Variants in ATP10B observed in about 807,000 individuals in gnomAD.
The protein encoded by ATP10B is phospholipid-transporting ATPase VB.
A neutral mutation model predicts 141.2 loss-of-function variants in ATP10B; 122 were observed. The observed-to-expected ratio is 0.86, with a 90% CI of 0.75 to 1.00. ATP10B has a LOEUF of 1.00. Ranked by LOEUF, ATP10B falls within the 50% of genes least tolerant of loss-of-function variation. ATP10B has a pLI of 0.00. For missense variants in ATP10B, 1,876 were observed against 1,825.3 expected, an observed-to-expected ratio of 1.03 and a Z score of -0.51; for synonymous variants, 685 against 692.0, an observed-to-expected ratio of 0.99 and a Z score of 0.16.
chr5:160,843,507 C>CAAA lies in ATP10B; in HGVS notation c.-576+8431_-576+8433dup, dbSNP rs34514367. On this transcript the variant is annotated intron_variant, in intron 1 of 25. Transcript: ENST00000327245. The stretch of plus-strand genomic sequence containing the variant: ...TAAGTTACTACCAACAGAGCATTGA[C>CAAA]AAAAAAAAAAAGCTGTTAATGAGTG... 6.4e-3 allele frequency among the ~76,000 whole-genome samples: 882 copies of CAAA among 138,620 alleles called. 12 individuals carry two copies. The highest frequency in any genetic ancestry group is 0.022 in the African/African-American group (839 of 38,006). The allele number at this position is 138,620 out of a possible 152,430, so 90.9% of individuals were successfully genotyped here. A position where few individuals can be genotyped will look rare whatever the true frequency, so the allele number is the denominator to read the frequency against.
At chr5:160,722,420 G>A (rs1581415259) in intron 2 of ATP10B, among the ~76,000 whole-genome samples, 2 of 152,038 alleles carry the variant, frequency 1.3e-5, no homozygotes, top group Admixed American at 1.3e-4. Context: ...CTTCCCACTG[G>A]GTTGTTTTAG....
intron 1 of ATP10B, among the ~76,000 whole-genome samples, chr5:160,801,531 T>G (rs1162766722): frequency 6.6e-6 from 1 of 152,242 alleles, no homozygotes; most frequent in Non-Finnish European, 1.5e-5. Context: ...CATGAGGGAA[T>G]GGATTGAATA....
intron 23 of ATP10B, 106 bp from the exon 24 acceptor site, chr5:160,589,802 GGA>G: frequency 1.3e-6 from 1 of 798,634 alleles, no homozygotes; most frequent in Non-Finnish European, 2.1e-6. Flanking sequence ...CAATGGAGAA[GGA>G]GGTACCCAGC....
chr5:160,843,113 T>G (rs1045624092), intron 1 of ATP10B, among the ~76,000 whole-genome samples: 1 of 152,096 alleles, frequency 6.6e-6, no homozygotes, highest in East Asian at 1.9e-4. Context: ...TAATACATAA[T>G]GACCAGGTGG....
the ATP10B span, among the ~76,000 whole-genome samples, chr5:160,888,152 G>C: frequency 6.6e-6 from 1 of 152,234 alleles, no homozygotes; most frequent in African/African-American, 2.4e-5. Context: ...ACTGGCCTCT[G>C]TACAAGAAGG....
In ATP10B at chr5:160,827,810, C is replaced by A. The variant is rs565777631; in HGVS notation, c.-576+24131G>T. Among the ~76,000 whole-genome samples the A allele has an allele frequency of 3.9e-5, 6 of 152,258 alleles. No individual in the cohort carries two copies. The East Asian group carries it at 9.7e-4, about 24-fold the overall frequency. ...ATATGGCTAGCCAGTTATCCCAGCA[C>A]AATTTATTGAAAAGCAATTCATTTA... On this transcript the variant is annotated intron_variant, in intron 1 of 25. Transcript: ENST00000327245.
chr5:160,859,591 C>T, the ATP10B span, among the ~76,000 whole-genome samples: 1 of 151,166 alleles, frequency 6.6e-6, no homozygotes, highest in African/African-American at 2.4e-5. Flanking sequence ...CATCTTTTAT[C>T]TTGCTCTTTG....
chr5:160,659,942 T>C (rs999629551), intron 7 of ATP10B, among the ~76,000 whole-genome samples: 4 of 152,230 alleles, frequency 2.6e-5, no homozygotes, highest in Non-Finnish European at 5.9e-5. Flanking sequence ...TGGATAATCT[T>C]TGACAAATTT....
intron 1 of ATP10B, among the ~76,000 whole-genome samples, chr5:160,837,671 T>G (rs1369097084): frequency 9.2e-5 from 14 of 152,182 alleles, no homozygotes; most frequent in African/African-American, 3.4e-4. Flanking sequence ...GAAGTCATCC[T>G]ACAGAAAACA....
rs1753836969 is a variant in ATP10B, at chr5:160,851,926, G to T, written c.-576+15C>A. On this transcript the variant is annotated intron_variant, in intron 1 of 25. Coordinates refer to ENST00000327245, the MANE Select transcript of ATP10B (RefSeq NM_025153.3). ...CCCCCATTATATAGGTTAAGGCCAG[G>T]ATGCTTTTACTTACCCCAGCAAAGC... 1 of 152,166 alleles carries T rather than the reference G, an allele frequency of 6.6e-6. No homozygotes were observed. Among genetic ancestry groups the T allele is most frequent in the Non-Finnish European group, 1.5e-5 (1 of 68,032 alleles). 9.4% of individuals were successfully genotyped at this position (152,166 alleles called of 1,614,324 possible). A position where few individuals can be genotyped will look rare whatever the true frequency, so the allele number is the denominator to read the frequency against.
chr5:160,673,293 C>T (rs190139653), intron 6 of ATP10B, among the ~76,000 whole-genome samples: 2 of 152,196 alleles, frequency 1.3e-5, no homozygotes, highest in Admixed American at 1.3e-4. Context: ...TAAATTTTTG[C>T]GGGTGCATAG....
chr5:160,783,073 A>C (rs1482149753), intron 2 of ATP10B, among the ~76,000 whole-genome samples: 1 of 151,926 alleles, frequency 6.6e-6, no homozygotes, highest in Non-Finnish European at 1.5e-5. Context: ...CAGTTTGGTT[A>C]CATAAGTTCT....
At chr5:160,858,707 C>T in the ATP10B span, among the ~76,000 whole-genome samples, 3 of 151,760 alleles carry the variant, frequency 2.0e-5, no homozygotes, top group African/African-American at 7.3e-5. Flanking sequence ...TTTAGAATTC[C>T]ATTTTCAGCT....
At chr5:160,606,635 TCTCTCC>T in intron 19 of ATP10B, 124 bp downstream of exon 19, 2 of 889,792 alleles carry the variant, frequency 2.2e-6, no homozygotes, top group South Asian at 3.6e-5. Flanking sequence ...CATTTTGAAC[TCTCTCC>T]CTCTAAGACA....
intron 8 of ATP10B, 32 bp from the exon 9 acceptor site, chr5:160,644,276 T>A (rs1561688737): frequency 2.0e-6 from 3 of 1,526,780 alleles, no homozygotes; most frequent in Middle Eastern, 1.7e-4. Flanking sequence ...CAGGGGGTGG[T>A]TTGGTGGCCT....
the ATP10B span, among the ~76,000 whole-genome samples, chr5:160,880,073 CAT>C: frequency 6.7e-6 from 1 of 149,274 alleles, no homozygotes; most frequent in Non-Finnish European, 1.5e-5. Flanking sequence ...GTATAAATCA[CAT>C]AGAATATATC....
intron 1 of ATP10B, among the ~76,000 whole-genome samples, chr5:160,809,381 G>T (rs1772994386): frequency 2.0e-5 from 3 of 152,022 alleles, no homozygotes; most frequent in African/African-American, 7.2e-5. Flanking sequence ...AAAGATAGAT[G>T]ACCAAGTTTA....
Position 160,620,847 on chromosome 5 carries a change from G to A in ATP10B, c.1916C>T (p.Ser639Phe), listed in dbSNP as rs748744055. ...KLLSLSQSFS[S>F]TAPSDTDLGE... ...GAGGTCTGTGTCAGAGGGTGCAGTG[G>A]ATGAGAATGACTGGCTGAGGCTCAA... The change falls in exon 15 of 26, where the codon TCC becomes TTC. Residue 639 changes from serine to phenylalanine, a missense_variant. By Grantham distance (155) the Ser-to-Phe change is radical. Coordinates refer to ENST00000327245, the MANE Select transcript of ATP10B (RefSeq NM_025153.3). 6.2e-7 allele frequency: 1 copy of A among 1,614,224 alleles called. No homozygotes were observed.
At chr5:160,751,632 T>C (rs568554134) in intron 2 of ATP10B, among the ~76,000 whole-genome samples, 1 of 152,268 alleles carries the variant, frequency 6.6e-6, no homozygotes, top group Non-Finnish European at 1.5e-5. Context: ...CGGAGACTCT[T>C]GGCTGCTGGT....
Sources: gnomAD v4.1 joint callset for allele counts (sites outside exome capture counted in the v4.1 genomes callset) on GRCh38, gnomAD v4.1.1 for gene constraint, MANE v1.5 for transcripts, NCBI Gene and HGNC (gene_info 2026-07-23, HGNC 2026-07-21) for gene names.